Variants in NRL observed in about 807,000 individuals in gnomAD.
The protein encoded by NRL is neural retina-specific leucine zipper protein.
NRL carries 16 observed loss-of-function variants against 12.5 expected under a neutral mutation model. The ratio of observed to expected loss-of-function variants is 1.28; its 90% CI spans 0.87 to 1.95. NRL has a LOEUF of 1.95. NRL is among the 30% of genes most tolerant of loss of function. The pLI is 0.00. For missense variants in NRL, 314 were observed against 325.8 expected, an observed-to-expected ratio of 0.96 and a Z score of 0.28; for synonymous variants, 142 against 150.9, an observed-to-expected ratio of 0.94 and a Z score of 0.43.
At position 24,081,622 on chromosome 14, in the gene NRL, C is replaced by T. The variant is rs976702570; in HGVS notation, c.382-54G>A. On this transcript the variant is annotated intron_variant, in intron 2 of 2. Coordinates refer to ENST00000561028, the MANE Select transcript of NRL (RefSeq NM_001354768.3). This position sits in a 1 kb window ranked among gnomAD's most constrained non-coding sequence, Gnocchi z 4.4. ...CAGCGCCAGGTCGCACCCGGCTCTG[C>T]CCTGAGGGCCCGACGCTACCTGGCT... is the stretch of plus-strand genomic sequence containing the variant. The T allele has an allele frequency of 6.5e-7, 1 of 1,546,362 alleles. No individual in the cohort carries two copies. The highest frequency in any genetic ancestry group is 8.7e-7 in the Non-Finnish European group (1 of 1,145,712).
rs115991711 is a variant in NRL at position 24,081,593 on chromosome 14, G to A, written c.382-25C>T. ...GCTGCGGAGGGAGAATGCAGAAACCGGGTCAGCGCCAGGTCGCACCCGGCT... is the reference window on the plus strand; with the variant it reads ...GCTGCGGAGGGAGAATGCAGAAACCAGGTCAGCGCCAGGTCGCACCCGGCT... On this transcript the variant is annotated intron_variant, in intron 2 of 2. Transcript: ENST00000561028. The surrounding 1 kb of genome is among the most constrained non-coding windows in gnomAD (Gnocchi z 4.4). The A allele has an allele frequency of 5.1e-6, 8 of 1,570,766 alleles. No homozygotes were observed. The highest frequency in any genetic ancestry group is 1.4e-5 in the African/African-American group (1 of 73,996).
Position 24,094,824 on chromosome 14 carries a change from C to T in NRL, c.-27-11949G>A, listed in dbSNP as rs1345489457. The T allele has an allele frequency of 1.5e-6, 2 of 1,326,772 alleles. No homozygotes were observed. Among genetic ancestry groups the T allele is most frequent in the South Asian group, 1.2e-5 (1 of 81,326 alleles). 82.2% of individuals were successfully genotyped at this position (1,326,772 alleles called of 1,614,324 possible). On this transcript the variant is annotated intron_variant, in intron 1 of 2. Transcript: ENST00000561028. The surrounding 1 kb of genome is among the most constrained non-coding windows in gnomAD (Gnocchi z 4.1). Reference sequence around the variant, plus strand: ...CAGCGCCCCAGGGTACTTCGAGAGGCAGCAGGGCCCTGGGGACAAGGGTAC... The same window carrying T: ...CAGCGCCCCAGGGTACTTCGAGAGGTAGCAGGGCCCTGGGGACAAGGGTAC...
At chr14:24,113,907 G>A (rs1012017775) in intron 1 of NRL, among the ~76,000 whole-genome samples, 1 of 152,232 alleles carries the variant, frequency 6.6e-6, no homozygotes, top group Non-Finnish European at 1.5e-5. Flanking sequence ...AGTTCAGCTC[G>A]GACCCTGAGC....
intron 1 of NRL, chr14:24,095,260 G>A (rs774558643): frequency 2.2e-6 from 1 of 455,248 alleles, no homozygotes; most frequent in South Asian, 1.5e-5. Flanking sequence ...AGAGGGTGTG[G>A]GGGCTTCACA....
In NRL at chr14:24,099,601, C is replaced by T. The variant is rs150284360; in HGVS notation, c.-28+15121G>A. ...CCTGCAGGGAAGAAGCGCTATGTGG[C>T]AGCCGCCTTCCCTAGTGCCTGTGGC... On this transcript the variant is annotated intron_variant, in intron 1 of 2. Transcript: ENST00000561028. The T allele has an allele frequency of 1.6e-5, 26 of 1,611,784 alleles. No individual in the cohort carries two copies. The highest frequency in any genetic ancestry group is 3.3e-5 in the Admixed American group (2 of 59,898).
At chr14:24,100,135 G>T (rs772315574) in intron 1 of NRL, 6 of 1,613,618 alleles carry the variant, frequency 3.7e-6, no homozygotes, top group Non-Finnish European at 2.5e-6. Flanking sequence ...TGATGGTGGC[G>T]TGTACTGGGA....
At chr14:24,104,512 G>A (rs146297963) in intron 1 of NRL, among the ~76,000 whole-genome samples, 3,028 of 151,432 alleles carry the variant, frequency 0.02, 97 homozygotes, top group African/African-American at 0.07. Context: ...GGTGGCGGGC[G>A]CCTGTAGTCC....
intron 1 of NRL, among the ~76,000 whole-genome samples, chr14:24,083,971 A>C (rs1393773971): frequency 6.6e-6 from 1 of 152,178 alleles, no homozygotes. Flanking sequence ...CCCAGCCTTG[A>C]AGTCCAAGCT....
In NRL at chr14:24,082,605, G is replaced by C; in HGVS notation, c.244C>G (p.Leu82Val). Reference sequence around the variant, plus strand: ...AGCCCCAATGCCTCCCCAGCCCCCAGCTGCTGCTGCAGGGTAGCCAGCCAG... The same window carrying C: ...AGCCCCAATGCCTCCCCAGCCCCCACCTGCTGCTGCAGGGTAGCCAGCCAG... ...LYWLATLQQQ[L>V]GAGEALGLSP... The change falls in exon 2 of 3, where the codon CTG becomes GTG. Residue 82 changes from leucine to valine, a missense_variant. Leu to Val is a conservative substitution (Grantham distance 32, BLOSUM62 1). Transcript: ENST00000561028. The C allele has an allele frequency of 6.2e-7, 1 of 1,613,816 alleles. No individual in the cohort carries two copies.
intron 1 of NRL, among the ~76,000 whole-genome samples, chr14:24,100,879 C>T (rs1388662054): frequency 2.0e-5 from 3 of 152,136 alleles, no homozygotes; most frequent in African/African-American, 7.2e-5. Flanking sequence ...CTGTCATTAC[C>T]CTGGGCGCCT....
chr14:24,097,958 CT>C (rs113313039), intron 1 of NRL, among the ~76,000 whole-genome samples: 1,701 of 145,184 alleles, frequency 0.012, 10 homozygotes, highest in Middle Eastern at 0.022. Context: ...AGATCCTTTG[CT>C]TTTTTTTTTT....
intron 1 of NRL, chr14:24,084,763 G>T: frequency 1.1e-6 from 1 of 921,630 alleles, no homozygotes. Flanking sequence ...TGGGGGAAAT[G>T]GAGAGAGAGG....
intron 1 of NRL, among the ~76,000 whole-genome samples, chr14:24,088,059 T>C (rs2138891091): frequency 6.6e-6 from 1 of 152,256 alleles, no homozygotes; most frequent in Non-Finnish European, 1.5e-5. Flanking sequence ...TTATTGTCCT[T>C]AGGCCCAGGC....
intron 1 of NRL, among the ~76,000 whole-genome samples, chr14:24,106,720 C>CA (rs61141281): frequency 0.092 from 12,124 of 132,100 alleles, 695 homozygotes; most frequent in East Asian, 0.18. Context: ...GACTCTGTCT[C>CA]AAAAAAAAAA....
At chr14:24,088,354 A>G (rs1206995799) in intron 1 of NRL, among the ~76,000 whole-genome samples, 1 of 152,246 alleles carries the variant, frequency 6.6e-6, no homozygotes, top group Non-Finnish European at 1.5e-5. Flanking sequence ...TGCTTGCAGG[A>G]GACTGTGGAC....
At chr14:24,099,071 G>A (rs115420219) in intron 1 of NRL, 14 of 1,605,770 alleles carry the variant, frequency 8.7e-6, no homozygotes, top group South Asian at 3.3e-5. Flanking sequence ...GCCAGTGGCC[G>A]TGCAACCCAG....
At chr14:24,114,471 T>G (rs1004415175) in intron 1 of NRL, 2 of 166,968 alleles carry the variant, frequency 1.2e-5, no homozygotes, top group African/African-American at 4.8e-5. Context: ...GGGCACTGTC[T>G]GAAAAGTGCG....
chr14:24,097,119 T>C (rs1263968963), intron 1 of NRL: 1 of 1,613,662 alleles, frequency 6.2e-7, no homozygotes, highest in Admixed American at 1.7e-5. Flanking sequence ...ATCCGAAAGC[T>C]CCCCAAGTAC....
Position 24,081,171 on chromosome 14 carries a change from C to T in NRL, c.*65G>A. 4.2e-6 allele frequency: 5 copies of T among 1,180,700 alleles called. No individual in the cohort carries two copies. The highest frequency in any genetic ancestry group is 3.5e-5 in the Admixed American group (1 of 28,394). 73.1% of individuals were successfully genotyped at this position (1,180,700 alleles called of 1,614,324 possible). On this transcript the variant is annotated 3_prime_UTR_variant, in exon 3 of 3. Transcript: ENST00000561028. The surrounding 1 kb of genome is among the most constrained non-coding windows in gnomAD (Gnocchi z 4.4). Reference sequence around the variant, plus strand: ...TCTGGTAACGATGCAGAGAACCGTGCAGCCGCCTCCTGGGCGGAGCCACCC... The same window carrying T: ...TCTGGTAACGATGCAGAGAACCGTGTAGCCGCCTCCTGGGCGGAGCCACCC...
Sources: allele counts gnomAD v4.1 joint callset (sites outside exome capture counted in the v4.1 genomes callset), GRCh38; gene constraint gnomAD v4.1.1; non-coding constraint Gnocchi (gnomAD v3.1); transcripts MANE v1.5; gene names NCBI Gene and HGNC (gene_info 2026-07-23, HGNC 2026-07-21).